Variants in DNAH5 observed in about 807,000 individuals in gnomAD.
DNAH5 encodes the protein axonemal beta dynein heavy chain 5.
In DNAH5, 372 loss-of-function variants were observed where a neutral mutation model predicts 518.2. The ratio of observed to expected loss-of-function variants is 0.72; its 90% CI spans 0.66 to 0.78. The LOEUF (loss-of-function observed/expected upper bound fraction) is 0.78. Ranked by LOEUF, DNAH5 falls within the 30% of genes least tolerant of loss-of-function variation. The probability of loss-of-function intolerance (pLI) is 0.00; values close to 1 mark genes in which losing one functional copy is unlikely to be tolerated. For synonymous variants in DNAH5, 2,039 were observed against 2,025.9 expected (o/e 1.01, Z -0.17); for missense variants, 5,523 against 5,687.0 (o/e 0.97, Z 0.93).
intron 22 of DNAH5, among the ~76,000 whole-genome samples, chr5:13,874,099 C>T (rs186134566): frequency 7.2e-5 from 11 of 152,282 alleles, no homozygotes; most frequent in Admixed American, 5.2e-4. Flanking sequence ...CATTAAAATG[C>T]AGAAAGCTAA....
Position 13,719,025 on chromosome 5 carries a change from G to T in DNAH5, c.12356C>A (p.Thr4119Asn). The T allele has an allele frequency of 1.9e-6, 3 of 1,614,082 alleles. No individual in the cohort carries two copies. The highest frequency in any genetic ancestry group is 2.5e-6 in the Non-Finnish European group (3 of 1,179,996). ...MDELMDIIIETELVHDAFRLW... is the reference protein window; with the variant it reads ...MDELMDIIIENELVHDAFRLW... ...GCGGAACGCATCATGTACAAGCTCAGTTTCTATGATTATGTCCATCAGCTC... is the reference window on the plus strand; with the variant it reads ...GCGGAACGCATCATGTACAAGCTCATTTTCTATGATTATGTCCATCAGCTC... Residue 4119 changes from threonine (T) to asparagine (N), a missense_variant, in exon 72 of 79, where the codon ACT (threonine) becomes AAT (asparagine). This residue lies in a region of DNAH5 where 5,121 missense variants were observed against 5,223.3 expected (regional missense o/e 0.98). Transcript: ENST00000265104.
At chr5:14,010,295 T>C (rs1372405926) in intron 1 of DNAH5, among the ~76,000 whole-genome samples, 1 of 152,158 alleles carries the variant, frequency 6.6e-6, no homozygotes, top group Non-Finnish European at 1.5e-5. Flanking sequence ...AATTTTCAAA[T>C]TCTTTAAGTT....
rs553024984 is a variant in DNAH5 at position 13,919,229 on chromosome 5, C to G, written c.922G>C (p.Asp308His). The G allele has an allele frequency of 1.2e-6, 2 of 1,614,086 alleles. No homozygotes were observed. Among genetic ancestry groups the G allele is most frequent in the East Asian group, 4.5e-5 (2 of 44,888 alleles). ...AGCACTGCCAGCACAGCCTTCACAT[C>G]CGGGCTTTTCAATTGTTCCAAAAGG... ...NYLLEQLKSPDVKAVLAVLAA... is the reference protein window; with the variant it reads ...NYLLEQLKSPHVKAVLAVLAA... Residue 308 changes from aspartate (D) to histidine (H), a missense_variant, in exon 7 of 79, where the codon GAT becomes CAT. Asp to His is a moderately conservative substitution (Grantham distance 81). Around this residue, in one of 3 missense-constraint regions of DNAH5, gnomAD observed 5,121 missense variants for 5,223.3 expected, o/e 0.98. Coordinates refer to ENST00000265104, the MANE Select transcript of DNAH5 (RefSeq NM_001369.3).
rs1336270071 is a variant in DNAH5, at chr5:13,887,343, T to C, written c.2578-1214A>G. ...AACTCTTTCTCTCTGTGAGAAGGCA[T>C]AACCATAAAAATGTAAATAGCATAG... On this transcript the variant is annotated intron_variant, in intron 17 of 78. Transcript: ENST00000265104. 7.2e-5 allele frequency among the ~76,000 whole-genome samples: 11 copies of C among 152,288 alleles called. No individual in the cohort carries two copies. In the South Asian group the frequency reaches 2.3e-3, roughly 32 times the overall value.
In DNAH5 at chr5:13,792,204, T is replaced by C. The variant is rs1340256044; in HGVS notation, c.8238A>G (p.Val2746=). ...SVDKIFGVIG[V]GHYCTQRGFS... ...AACCCCTCTGAGTACAGTAGTGGCC[T>C]ACCCCAATCACACCTGAAAAGGGGG... is the stretch of plus-strand genomic sequence containing the variant. Residue 2746 remains valine, a synonymous_variant, in exon 50 of 79, where the codon GTA becomes GTG. Coordinates refer to ENST00000265104, the MANE Select transcript of DNAH5 (RefSeq NM_001369.3). 1.2e-6 allele frequency: 2 copies of C among 1,613,664 alleles called. No homozygotes were observed. The highest frequency in any genetic ancestry group is 2.2e-5 in the East Asian group (1 of 44,888).
At chr5:13,856,827 A>G (rs556393864) in intron 30 of DNAH5, among the ~76,000 whole-genome samples, 6 of 152,154 alleles carry the variant, frequency 3.9e-5, no homozygotes, top group African/African-American at 1.4e-4. Context: ...CATGCTAAAA[A>G]CTCTCAATAA....
chr5:13,807,163 C>T (rs1759740380), intron 47 of DNAH5, among the ~76,000 whole-genome samples: 1 of 152,050 alleles, frequency 6.6e-6, no homozygotes, highest in South Asian at 2.1e-4. Flanking sequence ...ACTGTAACAG[C>T]CTTTGAGACC....
chr5:13,826,278 G>A (rs1419965335), intron 38 of DNAH5, among the ~76,000 whole-genome samples: 1 of 152,216 alleles, frequency 6.6e-6, no homozygotes, highest in East Asian at 1.9e-4. Flanking sequence ...TGAAGTGGTA[G>A]TGAAGATAAG....
intron 1 of DNAH5, among the ~76,000 whole-genome samples, chr5:13,978,434 A>C (rs1332300473): frequency 1.3e-5 from 2 of 152,188 alleles, no homozygotes; most frequent in East Asian, 3.9e-4. Flanking sequence ...TTCCACCTCT[A>C]GACTGTCTTT....
rs1773718405 is a variant in DNAH5, at chr5:13,894,917, G to A, written c.2260-96C>T. The A allele has an allele frequency of 5.7e-6, 8 of 1,410,284 alleles. No individual in the cohort carries two copies. In the South Asian group the frequency reaches 5.8e-5, roughly 10 times the overall value. The allele number at this position is 1,410,284 out of a possible 1,614,324, so 87.4% of individuals were successfully genotyped here. ...ATACAAAATGACTACTTTTATTTAGGGTCAAACTGTAGGGCTCTAATAGCC... is the reference window on the plus strand; with the variant it reads ...ATACAAAATGACTACTTTTATTTAGAGTCAAACTGTAGGGCTCTAATAGCC... On this transcript the variant is annotated intron_variant, in intron 15 of 78. Coordinates refer to ENST00000265104, the MANE Select transcript of DNAH5 (RefSeq NM_001369.3).
chr5:13,816,835 A>C (rs1369942471), intron 42 of DNAH5, among the ~76,000 whole-genome samples: 2 of 152,206 alleles, frequency 1.3e-5, no homozygotes, highest in Non-Finnish European at 2.9e-5. Context: ...CAGGAAGCCC[A>C]AATATCTCCT....
chr5:13,883,125 C>A (rs770212271), intron 19 of DNAH5, 31 bp from the exon 20 acceptor site: 2 of 1,606,304 alleles, frequency 1.2e-6, no homozygotes, highest in Non-Finnish European at 1.7e-6. Flanking sequence ...GAAGAATTCA[C>A]ATTTTTAATA....
chr5:13,725,365 G>A (rs1745580372), intron 70 of DNAH5, among the ~76,000 whole-genome samples: 1 of 152,216 alleles, frequency 6.6e-6, no homozygotes, highest in Non-Finnish European at 1.5e-5. Flanking sequence ...AGAAACATAT[G>A]CAGAGACCCT....
chr5:13,784,511 C>G (rs376944914), intron 52 of DNAH5, among the ~76,000 whole-genome samples: 2 of 152,178 alleles, frequency 1.3e-5, no homozygotes, highest in South Asian at 4.1e-4. Flanking sequence ...CTCCCTCTCT[C>G]TGACTTACTC....
intron 30 of DNAH5, among the ~76,000 whole-genome samples, chr5:13,857,414 T>C (rs893900915): frequency 1.3e-5 from 2 of 152,176 alleles, no homozygotes; most frequent in African/African-American, 4.8e-5. Flanking sequence ...GAAGAATCAA[T>C]ATCATAAAAA....
Position 13,731,446 on chromosome 5 carries a change from G to A in DNAH5, c.11762-1886C>T, listed in dbSNP as rs146028997. Among the ~76,000 whole-genome samples, 393 of 152,072 alleles carry A rather than the reference G, an allele frequency of 2.6e-3. 7 individuals are homozygous for A. In the East Asian group the frequency reaches 0.055, roughly 21 times the overall value. The stretch of plus-strand genomic sequence containing the variant: ...GAGTATTATTCATTGTTTAGTAGCC[G>A]GTAACTATGTCATGACTAACCTGCC... On this transcript the variant is annotated intron_variant, in intron 68 of 78. Coordinates refer to ENST00000265104, the MANE Select transcript of DNAH5 (RefSeq NM_001369.3).
intron 35 of DNAH5, among the ~76,000 whole-genome samples, chr5:13,837,345 G>A (rs1267768373): frequency 6.6e-6 from 1 of 152,178 alleles, no homozygotes; most frequent in Non-Finnish European, 1.5e-5. Flanking sequence ...GGACAATCAC[G>A]GTAGGGTTCG....
At chr5:13,779,792 C>T (rs2126830878) in intron 53 of DNAH5, among the ~76,000 whole-genome samples, 1 of 152,282 alleles carries the variant, frequency 6.6e-6, no homozygotes, top group South Asian at 2.1e-4. Context: ...CCTGAAGCTC[C>T]AACTTCCTGA....
In DNAH5 at chr5:13,811,627, T is replaced by C; in HGVS notation, c.7407+20A>G. 6.2e-7 allele frequency: 1 copy of C among 1,612,210 alleles called. No individual in the cohort carries two copies. Among genetic ancestry groups the C allele is most frequent in the Non-Finnish European group, 8.5e-7 (1 of 1,178,256 alleles). On this transcript the variant is annotated intron_variant, in intron 44 of 78. Transcript: ENST00000265104. ...CTAAGTTGATAAGAGAGAATTTCTC[T>C]AGAAAGTTGAGCAATTTACCTTCAG...
Sources: gnomAD v4.1 joint callset for allele counts (sites outside exome capture counted in the v4.1 genomes callset) on GRCh38, gnomAD v4.1.1 for gene constraint, gnomAD v4.1.1 regional missense constraint, MANE v1.5 for transcripts, NCBI Gene and HGNC (gene_info 2026-07-23, HGNC 2026-07-21) for gene names.